SGCZ: variants seen among roughly 807,000 people sequenced by gnomAD.
SGCZ encodes sarcoglycan zeta, also known as zeta-sarcoglycan.
A neutral mutation model predicts 41.3 loss-of-function variants in SGCZ; 40 were observed. The ratio of observed to expected loss-of-function variants is 0.97; its 90% CI spans 0.75 to 1.26. SGCZ has a LOEUF of 1.26. Ranked by LOEUF, SGCZ falls within the 50% of genes most tolerant of loss-of-function variation. SGCZ has a pLI of 0.00. For missense variants in SGCZ, 552 were observed against 369.8 expected (o/e 1.49, Z -4.04); for synonymous variants, 206 against 137.5 (o/e 1.50, Z -3.49).
chr8:14,850,874 T>A (rs564700317), intron 1 of SGCZ, among the ~76,000 whole-genome samples: 3 of 152,286 alleles, frequency 2.0e-5, no homozygotes, highest in African/African-American at 7.2e-5. Context: ...GAAGATGCCT[T>A]GCTTCCCCTT....
At chr8:14,826,756 C>A (rs1428197609) in intron 1 of SGCZ, among the ~76,000 whole-genome samples, 2 of 152,090 alleles carry the variant, frequency 1.3e-5, no homozygotes, top group Non-Finnish European at 2.9e-5. Context: ...CTGTTTATAT[C>A]CTTTGCCGAC....
At chr8:14,494,247 C>A (rs1397676654) in intron 2 of SGCZ, among the ~76,000 whole-genome samples, 3 of 152,114 alleles carry the variant, frequency 2.0e-5, no homozygotes, top group Admixed American at 1.3e-4. Flanking sequence ...GACTTCAGAG[C>A]CTGTCTCTCT....
chr8:14,649,629 A>G (rs1336758339), intron 1 of SGCZ, among the ~76,000 whole-genome samples: 2 of 152,030 alleles, frequency 1.3e-5, no homozygotes, highest in African/African-American at 2.4e-5. Context: ...TCGAAAGCTC[A>G]GCTCGTTAAG....
At chr8:14,722,281 G>A (rs1449647258) in intron 1 of SGCZ, among the ~76,000 whole-genome samples, 1 of 152,056 alleles carries the variant, frequency 6.6e-6, no homozygotes, top group Non-Finnish European at 1.5e-5. Flanking sequence ...TGCTATGTAG[G>A]AGAGAAACAG....
rs1380903108 is a variant in SGCZ, at chr8:15,195,789, C to T, written c.39+41796G>A. ...CCCACATTTCAGTGTGAATTTATAA[C>T]AAGTCATTTAAACTGTATGTTTATA... On this transcript the variant is annotated intron_variant, in intron 1 of 7. Coordinates refer to ENST00000382080, the MANE Select transcript of SGCZ (RefSeq NM_139167.4). 3.9e-5 allele frequency among the ~76,000 whole-genome samples: 6 copies of T among 152,024 alleles called. No homozygotes were observed. In the South Asian group the frequency reaches 8.3e-4, roughly 21 times the overall value.
At chr8:15,235,462 T>A (rs1802090324) in intron 1 of SGCZ, among the ~76,000 whole-genome samples, 1 of 152,198 alleles carries the variant, frequency 6.6e-6, no homozygotes, top group South Asian at 2.1e-4. Flanking sequence ...CATGCCTTCA[T>A]TTCTTCCCAG....
At position 14,676,597 on chromosome 8, in the gene SGCZ, C is replaced by T. The variant is rs571215564; in HGVS notation, c.40-121671G>A. Among the ~76,000 whole-genome samples the T allele has an allele frequency of 7.2e-4, 109 of 152,186 alleles. 2 individuals are homozygous for T. The South Asian group carries it at 0.022, about 31-fold the overall frequency. Reference sequence around the variant, plus strand: ...TAGTCCAACATTATTTAAAGAAATTCCCCAAAACCTACTGCACAATAATAT... The same window carrying T: ...TAGTCCAACATTATTTAAAGAAATTTCCCAAAACCTACTGCACAATAATAT... On this transcript the variant is annotated intron_variant, in intron 1 of 7. Transcript: ENST00000382080.
intron 1 of SGCZ, among the ~76,000 whole-genome samples, chr8:15,218,429 T>C (rs1369083413): frequency 6.6e-6 from 1 of 152,226 alleles, no homozygotes; most frequent in East Asian, 1.9e-4. Flanking sequence ...TGTAGGCTGA[T>C]TGACTTTTCT....
At chr8:14,214,347 T>C (rs1346726343) in intron 4 of SGCZ, among the ~76,000 whole-genome samples, 1 of 152,124 alleles carries the variant, frequency 6.6e-6, no homozygotes, top group East Asian at 1.9e-4. Context: ...CTAAATGTAG[T>C]GTGATATCTT....
Position 14,680,062 on chromosome 8 carries a change from T to C in SGCZ, c.40-125136A>G, listed in dbSNP as rs117842844. On this transcript the variant is annotated intron_variant, in intron 1 of 7. Transcript: ENST00000382080. Reference sequence around the variant, plus strand: ...AGTATTTTCCATAATATTTGCACAATGATGAAATTGTCTAAGTATGTGTTT... The same window carrying C: ...AGTATTTTCCATAATATTTGCACAACGATGAAATTGTCTAAGTATGTGTTT... Among the ~76,000 whole-genome samples, 16 of 152,166 alleles carry C rather than the reference T, an allele frequency of 1.1e-4. 1 individual carries two copies. In the East Asian group the frequency reaches 2.7e-3, roughly 26 times the overall value.
intron 1 of SGCZ, among the ~76,000 whole-genome samples, chr8:14,642,110 G>A (rs1807044925): frequency 6.6e-6 from 1 of 151,650 alleles, no homozygotes; most frequent in African/African-American, 2.4e-5. Flanking sequence ...AGCACCAGGA[G>A]TCTCAGAGCA....
At chr8:14,534,600 G>A (rs752884090) in intron 2 of SGCZ, among the ~76,000 whole-genome samples, 4 of 151,894 alleles carry the variant, frequency 2.6e-5, no homozygotes, top group Non-Finnish European at 4.4e-5. Flanking sequence ...ACAGGAGACC[G>A]TTGAGCAAAT....
At chr8:14,681,534 C>T (rs10098099) in intron 1 of SGCZ, among the ~76,000 whole-genome samples, 1 of 151,962 alleles carries the variant, frequency 6.6e-6, no homozygotes, top group Non-Finnish European at 1.5e-5. Flanking sequence ...TTGCCTGGAT[C>T]ATGTTGCTCG....
chr8:14,869,175 T>A (rs1804050868), intron 1 of SGCZ, among the ~76,000 whole-genome samples: 2 of 152,306 alleles, frequency 1.3e-5, no homozygotes, highest in Admixed American at 1.3e-4. Flanking sequence ...TGAACATCAA[T>A]GTGAAAATCA....
chr8:14,664,648 A>G (rs1302814310), intron 1 of SGCZ, among the ~76,000 whole-genome samples: 1 of 152,166 alleles, frequency 6.6e-6, no homozygotes, highest in Non-Finnish European at 1.5e-5. Flanking sequence ...ACTTAAAATG[A>G]CTTATTTCAG....
At chr8:14,909,036 G>A (rs1273578264) in intron 1 of SGCZ, among the ~76,000 whole-genome samples, 1 of 152,080 alleles carries the variant, frequency 6.6e-6, no homozygotes, top group East Asian at 1.9e-4. Context: ...CTCTAATGAT[G>A]AGTCAATTTT....
chr8:14,349,939 ATGTT>A (rs1228040589), intron 2 of SGCZ, among the ~76,000 whole-genome samples: 2 of 152,136 alleles, frequency 1.3e-5, no homozygotes, highest in African/African-American at 4.8e-5. Flanking sequence ...GCTTTAAAAA[ATGTT>A]TAACTGTGTT....
At chr8:15,128,723 T>C (rs1227501467) in intron 1 of SGCZ, among the ~76,000 whole-genome samples, 1 of 152,204 alleles carries the variant, frequency 6.6e-6, no homozygotes, top group Non-Finnish European at 1.5e-5. Context: ...AAGAAACAGA[T>C]GCACTCCTTT....
chr8:14,426,134 G>C (rs1799776513), intron 2 of SGCZ, among the ~76,000 whole-genome samples: 1 of 152,028 alleles, frequency 6.6e-6, no homozygotes, highest in East Asian at 1.9e-4. Flanking sequence ...TACCATTCTG[G>C]AGGTAAGGGA....
Sources: allele counts gnomAD v4.1 joint callset (sites outside exome capture counted in the v4.1 genomes callset), GRCh38; gene constraint gnomAD v4.1.1; transcripts MANE v1.5; gene names NCBI Gene and HGNC (gene_info 2026-07-23, HGNC 2026-07-21).